DLG2: variants seen among roughly 807,000 people sequenced by gnomAD.
The protein encoded by DLG2 is disks large homolog 2.
A neutral mutation model predicts 132.5 loss-of-function variants in DLG2; 45 were observed. The ratio of observed to expected loss-of-function variants is 0.34; its 90% CI spans 0.27 to 0.44. The LOEUF (loss-of-function observed/expected upper bound fraction) is 0.44, where lower values mean the gene tolerates loss of function less well. Among genes scored for constraint, DLG2 ranks in the 20% least tolerant of loss-of-function variants. The probability of loss-of-function intolerance (pLI) is 1.00; values close to 1 mark genes in which losing one functional copy is unlikely to be tolerated. For synonymous variants in DLG2, 424 were observed against 419.6 expected (o/e 1.01, Z -0.13); for missense variants, 1,045 against 1,196.9 (o/e 0.87, Z 1.87).
chr11:85,491,911 C>T (rs903264566), intron 3 of DLG2, among the ~76,000 whole-genome samples: 12 of 151,422 alleles, frequency 7.9e-5, no homozygotes, highest in Non-Finnish European at 1.8e-4. Flanking sequence ...TCGTGTGAAA[C>T]TACAAAAGGC....
chr11:84,934,014 C>G lies in DLG2; in HGVS notation c.357+177647G>C, dbSNP rs553442103. On this transcript the variant is annotated intron_variant, in intron 6 of 27. Coordinates refer to ENST00000376104, the MANE Select transcript of DLG2 (RefSeq NM_001142699.3). ...GGTTGTCGGTTTGTTCTACCTGGCT[C>G]TTATTATTTTGAGGTATGTTCCTTC... 4.9e-4 allele frequency among the ~76,000 whole-genome samples: 74 copies of G among 152,156 alleles called. 1 individual carries two copies. The highest frequency in any genetic ancestry group is 3.3e-3 in the East Asian group (17 of 5,164).
chr11:83,469,551 CA>C (rs2091722052), intron 24 of DLG2, among the ~76,000 whole-genome samples, 178 bp from the exon 25 acceptor site: 1 of 151,938 alleles, frequency 6.6e-6, no homozygotes. Context: ...AAAAACTGGA[CA>C]AAATATATGA....
chr11:85,470,523 G>A (rs1033068689), intron 3 of DLG2, among the ~76,000 whole-genome samples: 3 of 152,114 alleles, frequency 2.0e-5, no homozygotes, highest in African/African-American at 7.2e-5. Flanking sequence ...AGGAGTTCGA[G>A]ACCAGCCTGG....
chr11:84,858,343 C>T (rs2083077209), intron 6 of DLG2, among the ~76,000 whole-genome samples: 1 of 151,678 alleles, frequency 6.6e-6, no homozygotes, highest in Admixed American at 6.6e-5. Context: ...AATTAAGTTA[C>T]ACAAAGTGCA....
chr11:85,554,583 G>A (rs1217393448), intron 3 of DLG2, among the ~76,000 whole-genome samples: 1 of 151,832 alleles, frequency 6.6e-6, no homozygotes, highest in Non-Finnish European at 1.5e-5. Context: ...AAGGAAGGAA[G>A]ACAACAGTCC....
At chr11:84,483,649 C>A (rs1000860719) in intron 7 of DLG2, among the ~76,000 whole-genome samples, 5 of 152,046 alleles carry the variant, frequency 3.3e-5, no homozygotes, top group African/African-American at 7.2e-5. Context: ...TATCCAAAAA[C>A]CTTTTTAAAT....
intron 2 of DLG2, among the ~76,000 whole-genome samples, chr11:85,614,374 G>C (rs2081205556): frequency 6.6e-6 from 1 of 151,950 alleles, no homozygotes. Flanking sequence ...GGGCATGGTG[G>C]CTGACACCTG....
intron 3 of DLG2, among the ~76,000 whole-genome samples, chr11:85,470,559 C>A (rs1215146023): frequency 6.6e-6 from 1 of 152,068 alleles, no homozygotes. Flanking sequence ...CCCATCTCCA[C>A]TAAAAATATA....
At chr11:83,988,878 A>G (rs1401756624) in intron 11 of DLG2, among the ~76,000 whole-genome samples, 1 of 152,058 alleles carries the variant, frequency 6.6e-6, no homozygotes, top group Non-Finnish European at 1.5e-5. Context: ...TTACCTTGTA[A>G]TACACTATAT....
chr11:83,608,380 T>C (rs1211229985), intron 19 of DLG2, among the ~76,000 whole-genome samples: 1 of 151,800 alleles, frequency 6.6e-6, no homozygotes, highest in Non-Finnish European at 1.5e-5. Context: ...GATTTTGAAA[T>C]ATGTACTTTA....
At chr11:83,972,747 G>C (rs12805402) in intron 12 of DLG2, among the ~76,000 whole-genome samples, 6,616 of 152,174 alleles carry the variant, frequency 0.043, 198 homozygotes, top group Non-Finnish European at 0.067. Flanking sequence ...CATTTGTGTT[G>C]AGTCAGAGAG....
At chr11:85,166,288 A>G (rs539619173) in intron 4 of DLG2, among the ~76,000 whole-genome samples, 25 of 152,174 alleles carry the variant, frequency 1.6e-4, no homozygotes, top group Admixed American at 1.6e-3. Flanking sequence ...TCACTACTCA[A>G]TGATTCTTCA....
chr11:84,324,973 T>C (rs1294270888), intron 7 of DLG2, among the ~76,000 whole-genome samples: 2 of 152,146 alleles, frequency 1.3e-5, no homozygotes, highest in African/African-American at 4.8e-5. Flanking sequence ...TGAACAAATA[T>C]AATTTTACTT....
chr11:84,272,726 G>A lies in DLG2; in HGVS notation c.520-21435C>T, dbSNP rs932279564. Reference sequence around the variant, plus strand: ...TAACTTTTTTGGTGGGTTTTACTTGGAGTAAAGAATAGCAATTTTGGTTTC... The same window carrying A: ...TAACTTTTTTGGTGGGTTTTACTTGAAGTAAAGAATAGCAATTTTGGTTTC... On this transcript the variant is annotated intron_variant, in intron 7 of 27. Transcript: ENST00000376104. 5.9e-5 allele frequency among the ~76,000 whole-genome samples: 9 copies of A among 152,234 alleles called. No individual in the cohort carries two copies. In the East Asian group the frequency reaches 1.7e-3, roughly 29 times the overall value.
intron 19 of DLG2, among the ~76,000 whole-genome samples, chr11:83,571,560 A>C (rs903788546): frequency 1.3e-5 from 2 of 151,456 alleles, no homozygotes; most frequent in Non-Finnish European, 2.9e-5. Flanking sequence ...CTATGCAAAT[A>C]AAAGTACTGT....
chr11:83,535,396 G>A (rs904060816), intron 20 of DLG2, among the ~76,000 whole-genome samples: 6 of 152,106 alleles, frequency 3.9e-5, no homozygotes, highest in Non-Finnish European at 7.4e-5. Context: ...GAGGAACTCA[G>A]TATTCAACTC....
rs572215546 is a variant in DLG2, at chr11:84,825,656, G to C, written c.357+286005C>G. ...CAGAGATATCCTCACTGTGTAGTCT[G>C]TTTGGATTAGCAGGTGATTCCAGCA... On this transcript the variant is annotated intron_variant, in intron 6 of 27. Coordinates refer to ENST00000376104, the MANE Select transcript of DLG2 (RefSeq NM_001142699.3). 5.0e-4 allele frequency among the ~76,000 whole-genome samples: 76 copies of C among 151,944 alleles called. 1 individual carries two copies. The highest frequency in any genetic ancestry group is 1.8e-3 in the African/African-American group (76 of 41,500).
intron 3 of DLG2, among the ~76,000 whole-genome samples, chr11:85,394,145 T>A (rs1232748056): frequency 1.3e-5 from 2 of 152,238 alleles, no homozygotes; most frequent in African/African-American, 4.8e-5. Flanking sequence ...TTCCTTTTTA[T>A]CTTTTTGTTT....
chr11:85,256,422 G>A (rs2076668551), intron 4 of DLG2, among the ~76,000 whole-genome samples: 1 of 152,146 alleles, frequency 6.6e-6, no homozygotes, highest in Admixed American at 6.5e-5. Flanking sequence ...CATCCTTCAA[G>A]TCCATGTATT....
Sources: gnomAD v4.1 joint callset for allele counts (sites outside exome capture counted in the v4.1 genomes callset) on GRCh38, gnomAD v4.1.1 for gene constraint, MANE v1.5 for transcripts, NCBI Gene and HGNC (gene_info 2026-07-23, HGNC 2026-07-21) for gene names.